CHRM5: variants seen among roughly 807,000 people sequenced by gnomAD.
CHRM5 encodes cholinergic receptor muscarinic 5, also known as muscarinic acetylcholine receptor M5.
Under a neutral mutation model 39.0 loss-of-function variants are expected in CHRM5, and 18 were observed. The ratio of observed to expected loss-of-function variants is 0.46; its 90% CI spans 0.32 to 0.68. CHRM5 has a LOEUF of 0.68. Ranked by LOEUF, CHRM5 falls within the 30% of genes least tolerant of loss-of-function variation. CHRM5 has a pLI of 0.04. For missense variants in CHRM5, 515 were observed against 651.1 expected, an observed-to-expected ratio of 0.79 and a Z score of 2.28; for synonymous variants, 241 against 246.3, an observed-to-expected ratio of 0.98 and a Z score of 0.20.
chr15:34,035,289 G>A (rs749305919), intron 1 of CHRM5, among the ~76,000 whole-genome samples: 5 of 151,976 alleles, frequency 3.3e-5, no homozygotes, highest in Non-Finnish European at 5.9e-5. Flanking sequence ...TATAAACATG[G>A]AGCAAGAAAG....
At chr15:33,972,829 T>G (rs1895700004) in intron 1 of CHRM5, among the ~76,000 whole-genome samples, 1 of 152,158 alleles carries the variant, frequency 6.6e-6, no homozygotes, top group Admixed American at 6.5e-5. Flanking sequence ...ATTCAGAGTA[T>G]CAGTCATTTG....
rs2140850822 is a variant in CHRM5, at chr15:34,065,375, TC to T, written c.*1061del. ...TTTCTTCCAGAGCCCTTTTGCAGCC[TC>T]CAATTTCCCTTGTTCAGATCCCCAG... On this transcript the variant is annotated 3_prime_UTR_variant, in exon 3 of 3. Coordinates refer to ENST00000383263, the MANE Select transcript of CHRM5 (RefSeq NM_012125.4). The T allele has an allele frequency of 6.6e-6, 1 of 152,356 alleles. No individual in the cohort carries two copies. The highest frequency in any genetic ancestry group is 2.4e-5 in the African/African-American group (1 of 41,584). 9.4% of individuals were successfully genotyped at this position (152,356 alleles called of 1,614,324 possible).
intron 1 of CHRM5, among the ~76,000 whole-genome samples, chr15:34,016,516 T>G (rs1897919842): frequency 6.6e-6 from 1 of 152,146 alleles, no homozygotes; most frequent in South Asian, 2.1e-4. Flanking sequence ...CATACCACAC[T>G]TCAGTCAAAA....
intron 1 of CHRM5, among the ~76,000 whole-genome samples, chr15:33,974,762 C>T (rs2140505784): frequency 6.6e-6 from 1 of 152,274 alleles, no homozygotes; most frequent in Admixed American, 6.5e-5. Flanking sequence ...CACCTGAGGT[C>T]AGGGGTTTGA....
intron 1 of CHRM5, among the ~76,000 whole-genome samples, chr15:34,028,480 A>G (rs1898602968): frequency 6.6e-6 from 1 of 152,184 alleles, no homozygotes; most frequent in Non-Finnish European, 1.5e-5. Flanking sequence ...TGGGAGGATC[A>G]CTTAAGCCAA....
At chr15:33,983,148 G>GTGTGTGTGTGTGTA (rs1555512733) in intron 1 of CHRM5, among the ~76,000 whole-genome samples, 1 of 137,546 alleles carries the variant, frequency 7.3e-6, no homozygotes, top group Non-Finnish European at 1.5e-5. Flanking sequence ...GTGTGTGTGT[G>GTGTGTGTGTGTGTA]TGTGTGTGTG....
intron 2 of CHRM5, among the ~76,000 whole-genome samples, chr15:34,060,033 T>G (rs1191902539): frequency 6.6e-6 from 1 of 152,182 alleles, no homozygotes; most frequent in Admixed American, 6.5e-5. Flanking sequence ...CCACAGGCCC[T>G]TTTTTGCACT....
intron 1 of CHRM5, among the ~76,000 whole-genome samples, chr15:34,017,484 GTT>G (rs60119659): frequency 5.6e-5 from 6 of 107,364 alleles, no homozygotes; most frequent in African/African-American, 1.6e-4. Context: ...TTTTTTTTTT[GTT>G]TTTTTTTTTT....
At chr15:33,986,405 G>A (rs575562091) in intron 1 of CHRM5, among the ~76,000 whole-genome samples, 13 of 151,776 alleles carry the variant, frequency 8.6e-5, no homozygotes, top group South Asian at 6.3e-4. Flanking sequence ...CACCGCGCCC[G>A]GCCCACTGTA....
chr15:34,013,866 T>C (rs1287902440), intron 1 of CHRM5, among the ~76,000 whole-genome samples: 1 of 152,140 alleles, frequency 6.6e-6, no homozygotes, highest in Admixed American at 6.5e-5. Context: ...AGTTCTGCTC[T>C]AGATGTAGAC....
intron 1 of CHRM5, among the ~76,000 whole-genome samples, chr15:34,037,608 T>A (rs1424238263): frequency 6.6e-6 from 1 of 150,562 alleles, no homozygotes; most frequent in African/African-American, 2.4e-5. Context: ...GGGCACTAGG[T>A]TGGTCTTAGT....
intron 2 of CHRM5, among the ~76,000 whole-genome samples, chr15:34,050,080 GT>G (rs1361564040): frequency 2.0e-5 from 3 of 151,766 alleles, no homozygotes; most frequent in Non-Finnish European, 4.4e-5. Flanking sequence ...TAGAGATGGG[GT>G]TTCACCTTGT....
In CHRM5 at chr15:34,017,484, G is replaced by GTTTTTTTTTTT. The variant is rs60119659; in HGVS notation, c.-407-29050_-407-29040dup. On this transcript the variant is annotated intron_variant, in intron 1 of 2. Coordinates refer to ENST00000383263, the MANE Select transcript of CHRM5 (RefSeq NM_012125.4). Reference sequence around the variant, plus strand: ...GTGATTTCAGTATGATTTTTTTTTTGTTTTTTTTTTTTTTTTGAGACAGGG... The same window carrying GTTTTTTTTTTT: ...GTGATTTCAGTATGATTTTTTTTTTGTTTTTTTTTTTTTTTTTTTTTTTTTTTGAGACAGGG... 3.7e-5 allele frequency among the ~76,000 whole-genome samples: 4 copies of GTTTTTTTTTTT among 107,342 alleles called. 1 individual carries two copies. The highest frequency in any genetic ancestry group is 9.5e-5 in the African/African-American group (3 of 31,662). The allele number at this position is 107,342 out of a possible 152,430, so 70.4% of individuals were successfully genotyped here.
At chr15:34,054,068 G>T (rs761589708) in intron 2 of CHRM5, among the ~76,000 whole-genome samples, 4 of 151,610 alleles carry the variant, frequency 2.6e-5, no homozygotes, top group Non-Finnish European at 5.9e-5. Context: ...GCCAAAAAAC[G>T]TGAAAAAAAA....
At chr15:34,042,971 G>C (rs1466771265) in intron 1 of CHRM5, among the ~76,000 whole-genome samples, 2 of 152,172 alleles carry the variant, frequency 1.3e-5, no homozygotes, top group East Asian at 3.9e-4. Flanking sequence ...GGATTGGCCA[G>C]GCGCGGTGGC....
chr15:34,043,559 T>C (rs572300292), intron 1 of CHRM5, among the ~76,000 whole-genome samples: 1 of 152,288 alleles, frequency 6.6e-6, no homozygotes, highest in African/African-American at 2.4e-5. Flanking sequence ...GGGGAGAGAC[T>C]CTGGCATGAG....
In CHRM5 at chr15:34,010,378, T is replaced by C. The variant is rs566009505; in HGVS notation, c.-407-36162T>C. Reference sequence around the variant, plus strand: ...AGAGAATACTTACAGATTATCTCTATCACCAAGAGCCTTCAGATGAGCCAG... The same window carrying C: ...AGAGAATACTTACAGATTATCTCTACCACCAAGAGCCTTCAGATGAGCCAG... On this transcript the variant is annotated intron_variant, in intron 1 of 2. Coordinates refer to ENST00000383263, the MANE Select transcript of CHRM5 (RefSeq NM_012125.4). Among the ~76,000 whole-genome samples, 5 of 152,286 alleles carry C rather than the reference T, an allele frequency of 3.3e-5. No homozygotes were observed. The South Asian group carries it at 1.0e-3, about 32-fold the overall frequency.
chr15:34,040,681 A>G (rs1296317114), intron 1 of CHRM5, among the ~76,000 whole-genome samples: 1 of 151,940 alleles, frequency 6.6e-6, no homozygotes, highest in Non-Finnish European at 1.5e-5. Flanking sequence ...TAATCCCAGC[A>G]TTTTGGGAGG....
At chr15:34,000,247 C>A (rs1897086820) in intron 1 of CHRM5, among the ~76,000 whole-genome samples, 1 of 152,156 alleles carries the variant, frequency 6.6e-6, no homozygotes, top group Non-Finnish European at 1.5e-5. Context: ...ATATACTCTT[C>A]TTGTTTGTCT....
Sources: gnomAD v4.1 joint callset for allele counts (sites outside exome capture counted in the v4.1 genomes callset) on GRCh38, gnomAD v4.1.1 for gene constraint, MANE v1.5 for transcripts, NCBI Gene and HGNC (gene_info 2026-07-23, HGNC 2026-07-21) for gene names.